The following PTPRT variants were observed in gnomAD, a reference collection of about 807,000 sequenced individuals.
The protein encoded by PTPRT is receptor-type tyrosine-protein phosphatase T.
Under a neutral mutation model 176.8 loss-of-function variants are expected in PTPRT, and 56 were observed. That is an observed-to-expected ratio of 0.32 (90% CI 0.26 to 0.40). The LOEUF is 0.40. Ranked by LOEUF, PTPRT falls within the 10% of genes least tolerant of loss-of-function variation. The pLI, the probability that PTPRT is intolerant of heterozygous loss-of-function variation, is 1.00. For missense variants in PTPRT, 1,540 were observed against 1,908.2 expected, an observed-to-expected ratio of 0.81 and a Z score of 3.60; for synonymous variants, 783 against 739.0, an observed-to-expected ratio of 1.06 and a Z score of -0.96.
Position 42,076,170 on chromosome 20 carries a change from T to C in PTPRT, c.*4709A>G, listed in dbSNP as rs1348463880. 1 of 202,478 alleles carries C rather than the reference T, an allele frequency of 4.9e-6. No homozygotes were observed. Among genetic ancestry groups the C allele is most frequent in the African/African-American group, 2.3e-5 (1 of 43,622 alleles). The allele number at this position is 202,478 out of a possible 1,614,324, so 12.5% of individuals were successfully genotyped here. On this transcript the variant is annotated 3_prime_UTR_variant, in exon 31 of 31. Transcript: ENST00000373187. ...CCTTACCCAGGAATTAATTGTGCCA[T>C]AGTAATCTCGATTTCCTAATAGTGC...
In PTPRT at chr20:43,007,982, C is replaced by T. The variant is rs184110815; in HGVS notation, c.89-122050G>A. 2.8e-4 allele frequency among the ~76,000 whole-genome samples: 43 copies of T among 152,292 alleles called. No homozygotes were observed. The East Asian group carries it at 7.7e-3, about 27-fold the overall frequency. On this transcript the variant is annotated intron_variant, in intron 1 of 30. Transcript: ENST00000373187. ...AGTGCTGACTTAGCTCAGTCCCTGG[C>T]ACATGATAAGCACTAAGTGTTAGTA...
intron 5 of PTPRT, among the ~76,000 whole-genome samples, chr20:42,760,464 T>C (rs552288096): frequency 5.1e-4 from 74 of 145,958 alleles, no homozygotes; most frequent in African/African-American, 1.8e-3. Flanking sequence ...GGTGTGAGCA[T>C]AGCTGTAATT....
At chr20:42,682,739 C>G (rs917014301) in intron 6 of PTPRT, among the ~76,000 whole-genome samples, 6 of 152,166 alleles carry the variant, frequency 3.9e-5, no homozygotes, top group African/African-American at 1.4e-4. Context: ...TGGGCAGCAG[C>G]GGCCCTGAGC....
chr20:42,963,648 G>A (rs1433539699), intron 1 of PTPRT, among the ~76,000 whole-genome samples: 2 of 151,784 alleles, frequency 1.3e-5, no homozygotes, highest in Non-Finnish European at 2.9e-5. Flanking sequence ...TTAGAAACAC[G>A]AATAAAAATC....
At chr20:42,845,669 G>C (rs2078358427) in intron 2 of PTPRT, among the ~76,000 whole-genome samples, 1 of 152,184 alleles carries the variant, frequency 6.6e-6, no homozygotes, top group African/African-American at 2.4e-5. Context: ...CTGGGTATGA[G>C]CTGGATGCAG....
In PTPRT at chr20:42,505,312, G is replaced by A. The variant is rs376059296; in HGVS notation, c.1154-32750C>T. Reference sequence around the variant, plus strand: ...TACTCCTGTCTTTATTATTATTATTGTTATTTTGAGATGGAGTCCCGCTCT... The same window carrying A: ...TACTCCTGTCTTTATTATTATTATTATTATTTTGAGATGGAGTCCCGCTCT... On this transcript the variant is annotated intron_variant, in intron 7 of 30. Transcript: ENST00000373187. 7.2e-5 allele frequency among the ~76,000 whole-genome samples: 11 copies of A among 152,056 alleles called. No individual in the cohort carries two copies. In the East Asian group the frequency reaches 1.2e-3, roughly 16 times the overall value.
intron 1 of PTPRT, among the ~76,000 whole-genome samples, chr20:42,928,758 T>C (rs1039809693): frequency 2.0e-5 from 3 of 152,172 alleles, no homozygotes; most frequent in Admixed American, 1.3e-4. Context: ...CCACCTTCTC[T>C]TCTCCAGGTG....
At chr20:42,997,966 G>A (rs1984319160) in intron 1 of PTPRT, among the ~76,000 whole-genome samples, 1 of 152,130 alleles carries the variant, frequency 6.6e-6, no homozygotes, top group African/African-American at 2.4e-5. Context: ...CATGGGCAAT[G>A]CCTCTTTGTG....
intron 17 of PTPRT, among the ~76,000 whole-genome samples, chr20:42,150,278 C>G (rs777176908): frequency 2.2e-4 from 34 of 152,168 alleles, no homozygotes; most frequent in Non-Finnish European, 4.4e-4. Flanking sequence ...ACCTCCTATC[C>G]TCAGCAGATT....
intron 8 of PTPRT, among the ~76,000 whole-genome samples, chr20:42,464,951 A>G (rs1457826946): frequency 6.6e-6 from 1 of 152,168 alleles, no homozygotes; most frequent in Non-Finnish European, 1.5e-5. Context: ...GAGGCATGTC[A>G]GTCTTCCTTA....
At chr20:42,501,116 C>G (rs2071743724) in intron 7 of PTPRT, among the ~76,000 whole-genome samples, 1 of 152,140 alleles carries the variant, frequency 6.6e-6, no homozygotes, top group African/African-American at 2.4e-5. Flanking sequence ...TTCCCCGTCA[C>G]TAACCCCCAC....
At chr20:42,365,117 A>G (rs2058496062) in intron 9 of PTPRT, among the ~76,000 whole-genome samples, 1 of 152,224 alleles carries the variant, frequency 6.6e-6, no homozygotes, top group Non-Finnish European at 1.5e-5. Flanking sequence ...CCACAATGCT[A>G]TTATTCCAAC....
intron 7 of PTPRT, among the ~76,000 whole-genome samples, chr20:42,497,544 AG>A (rs1481040067): frequency 3.3e-5 from 5 of 151,974 alleles, no homozygotes; most frequent in Non-Finnish European, 7.4e-5. Context: ...CAGACTTCCA[AG>A]TAGCTGAGAT....
At chr20:42,667,727 G>T (rs541290205) in intron 7 of PTPRT, among the ~76,000 whole-genome samples, 2 of 152,304 alleles carry the variant, frequency 1.3e-5, no homozygotes, top group Admixed American at 1.3e-4. Flanking sequence ...ACAAGAGCAA[G>T]ATCTGGTAGA....
intron 1 of PTPRT, among the ~76,000 whole-genome samples, chr20:42,961,380 G>C (rs1452196094): frequency 1.3e-5 from 2 of 152,180 alleles, no homozygotes; most frequent in Non-Finnish European, 2.9e-5. Flanking sequence ...CTTACTCAGA[G>C]ATGTTGGATA....
chr20:42,948,403 G>C (rs1201134252), intron 1 of PTPRT, among the ~76,000 whole-genome samples: 1 of 152,166 alleles, frequency 6.6e-6, no homozygotes, highest in East Asian at 1.9e-4. Context: ...ACATATCTCA[G>C]AGTTGGCTTC....
intron 16 of PTPRT, among the ~76,000 whole-genome samples, chr20:42,185,178 CA>C (rs1990726689): frequency 6.6e-6 from 1 of 152,138 alleles, no homozygotes; most frequent in South Asian, 2.1e-4. Context: ...AACAGGTGCC[CA>C]TCATCTCCCA....
At chr20:42,195,577 G>A (rs1991181785) in intron 16 of PTPRT, among the ~76,000 whole-genome samples, 1 of 151,966 alleles carries the variant, frequency 6.6e-6, no homozygotes, top group South Asian at 2.1e-4. Flanking sequence ...TGTTTTTGTA[G>A]CTGTAGCCTG....
At chr20:42,299,772 C>A (rs921461488) in intron 12 of PTPRT, among the ~76,000 whole-genome samples, 1 of 151,126 alleles carries the variant, frequency 6.6e-6, no homozygotes, top group Non-Finnish European at 1.5e-5. Flanking sequence ...CTCAGCCTCC[C>A]GAGTAGCTGG....
Sources: allele counts gnomAD v4.1 joint callset (sites outside exome capture counted in the v4.1 genomes callset), GRCh38; gene constraint gnomAD v4.1.1; transcripts MANE v1.5; gene names NCBI Gene and HGNC (gene_info 2026-07-23, HGNC 2026-07-21).